Variants in NBPF12 observed in about 807,000 individuals in gnomAD.
NBPF12 encodes NBPF member 12.
In NBPF12, 115 loss-of-function variants were observed where a neutral mutation model predicts 146.4. The observed-to-expected ratio is 0.79, with a 90% CI of 0.68 to 0.92. The LOEUF is 0.92. Ranked by LOEUF, NBPF12 falls within the 40% of genes least tolerant of loss-of-function variation. NBPF12 has a pLI of 0.00. For missense variants in NBPF12, 1,205 were observed against 1,326.8 expected (o/e 0.91, Z 1.43); for synonymous variants, 385 against 508.9 (o/e 0.76, Z 3.28).
upstream of NBPF12, among the ~76,000 whole-genome samples, chr1:146,948,182 T>C (rs1655155066): frequency 6.6e-6 from 1 of 152,004 alleles, no homozygotes; most frequent in East Asian, 1.9e-4. Flanking sequence ...GGCTAATGTT[T>C]GTATTTTTGG....
intron 15 of NBPF12, among the ~76,000 whole-genome samples, chr1:146,975,378 G>A (rs1656922371): frequency 1.4e-5 from 2 of 147,780 alleles, no homozygotes; most frequent in African/African-American, 5.2e-5. Context: ...CATGGCCAGA[G>A]TGAGGAACTG....
chr1:146,954,391 A>C (rs1655465918), intron 2 of NBPF12, among the ~76,000 whole-genome samples: 5 of 68,530 alleles, frequency 7.3e-5, no homozygotes, highest in African/African-American at 4.3e-4. Context: ...CTCTGTCTCA[A>C]AAAAAAAAAA....
intron 3 of NBPF12, 35 bp downstream of exon 6, chr1:146,960,041 G>T: frequency 4.4e-6 from 2 of 457,410 alleles, no homozygotes; most frequent in Non-Finnish European, 3.7e-6. Context: ...ACATCCCTCA[G>T]TCCTGATTAA....
intron 1 of NBPF12, among the ~76,000 whole-genome samples, chr1:146,939,343 T>C (rs1284731952): frequency 2.0e-4 from 30 of 152,020 alleles, no homozygotes; most frequent in Non-Finnish European, 7.4e-5. Flanking sequence ...TTCTGGGAAC[T>C]TGGGCAAGAG....
At chr1:146,984,274 A>C (rs1172788936) in intron 21 of NBPF12, 89 bp downstream of exon 24, 2 of 829,724 alleles carry the variant, frequency 2.4e-6, no homozygotes, top group Non-Finnish European at 2.1e-6. Context: ...GAAAATAATG[A>C]TTTTGTCTTG....
chr1:146,975,495 C>A (rs1448813005), intron 15 of NBPF12, among the ~76,000 whole-genome samples, 182 bp from the exon 19 acceptor site: 1 of 149,096 alleles, frequency 6.7e-6, no homozygotes, highest in African/African-American at 2.5e-5. Context: ...CTCTCTGATA[C>A]AGAGGAAGCC....
At chr1:146,987,122 CCTGTT>C in intron 24 of NBPF12, 107 bp from the exon 28 acceptor site, 1 of 662,496 alleles carries the variant, frequency 1.5e-6, no homozygotes. Flanking sequence ...CTCAAATTGT[CCTGTT>C]CTCATGCTGA....
intron 1 of NBPF12, among the ~76,000 whole-genome samples, chr1:146,941,412 C>G (rs1294447332): frequency 6.6e-6 from 1 of 150,476 alleles, no homozygotes; most frequent in African/African-American, 2.4e-5. Context: ...ATGAAATATA[C>G]TTTATCAATC....
Position 146,963,403 on chromosome 1 carries a change from G to T in NBPF12, c.493+94G>T, listed in dbSNP as rs1222753979. The T allele has an allele frequency of 5.1e-5, 82 of 1,603,310 alleles. 1 individual carries two copies. Among genetic ancestry groups the T allele is most frequent in the Admixed American group, 2.7e-4 (16 of 59,006 alleles). ...TCATGATGACAGTTGTATCAGTGGG[G>T]TTTTTTTCTACTACACATATGTGGC... On this transcript the variant is annotated intron_variant, in intron 6 of 33. Transcript: ENST00000617844.
chr1:146,987,566 G>A (rs1476798436), intron 25 of NBPF12, among the ~76,000 whole-genome samples: 9 of 152,060 alleles, frequency 5.9e-5, no homozygotes, highest in African/African-American at 2.2e-4. Flanking sequence ...AAATTATTGA[G>A]CACAGTCTTT....
At chr1:146,965,619 A>G (rs1656139557) in intron 8 of NBPF12, among the ~76,000 whole-genome samples, 1 of 125,712 alleles carries the variant, frequency 8.0e-6, no homozygotes, top group Non-Finnish European at 1.7e-5. Context: ...CGTCTTTACT[A>G]AAAATACAAA....
chr1:146,946,027 G>T (rs1428775951), upstream of NBPF12, among the ~76,000 whole-genome samples: 2 of 151,810 alleles, frequency 1.3e-5, no homozygotes, highest in African/African-American at 2.4e-5. Context: ...GAATGTCCTA[G>T]AGTTGGAATT....
chr1:146,953,220 G>A (rs1206238931), intron 2 of NBPF12, among the ~76,000 whole-genome samples: 1 of 130,328 alleles, frequency 7.7e-6, no homozygotes, highest in Admixed American at 8.5e-5. Flanking sequence ...ACATGTGGTG[G>A]TTACTAATCA....
In NBPF12 at chr1:146,976,794, A is replaced by G. The variant is rs1358429662; in HGVS notation, c.2120-135A>G. The stretch of plus-strand genomic sequence containing the variant: ...GGAAACCATGCCAGGGCATTCTGTT[A>G]AAGATAAAACATGAGAGTTTTCAGT... On this transcript the variant is annotated intron_variant, in intron 16 of 33. Coordinates refer to ENST00000617844, the Ensembl canonical transcript of NBPF12. 7 of 571,240 alleles carry G rather than the reference A, an allele frequency of 1.2e-5. No homozygotes were observed. In the Admixed American group the frequency reaches 1.8e-4, roughly 15 times the overall value. The allele number at this position is 571,240 out of a possible 1,614,324, so 35.4% of individuals were successfully genotyped here.
chr1:146,946,315 A>G (rs1426899312), upstream of NBPF12, among the ~76,000 whole-genome samples: 3 of 151,094 alleles, frequency 2.0e-5, no homozygotes, highest in South Asian at 2.1e-4. Context: ...TCCACTAGCT[A>G]TGGAGAGTTC....
In NBPF12 at chr1:146,994,727, G is replaced by T. The variant is rs4028596; in HGVS notation, c.*152G>T. Reference sequence around the variant, plus strand: ...TTCCTATTCTCAGAGCATGCCAGTGGCAACCTGTGCTCAGTCTGAAGACAA... The same window carrying T: ...TTCCTATTCTCAGAGCATGCCAGTGTCAACCTGTGCTCAGTCTGAAGACAA... On this transcript the variant is annotated 3_prime_UTR_variant, in exon 34 of 34. Coordinates refer to ENST00000617844, the Ensembl canonical transcript of NBPF12. The T allele has an allele frequency of 6.9e-5, 91 of 1,317,922 alleles. 5 individuals are homozygous for T. In the African/African-American group the frequency reaches 1.3e-3, roughly 19 times the overall value. 81.6% of individuals were successfully genotyped at this position (1,317,922 alleles called of 1,614,324 possible).
rs1342267216 is a variant in NBPF12 at position 146,992,547 on chromosome 1, G to C, written c.3849-165G>C. ...CTTTCTCTTTCATTCTTTTCCATTT[G>C]GCCCTGTTCTGTCCCAACATGAAGG... On this transcript the variant is annotated intron_variant, in intron 31 of 33. Transcript: ENST00000617844. Among the ~76,000 whole-genome samples the C allele has an allele frequency of 4.2e-4, 57 of 136,866 alleles. 2 individuals carry two copies. In the East Asian group the frequency reaches 0.013, roughly 32 times the overall value. 89.8% of individuals were successfully genotyped at this position (136,866 alleles called of 152,430 possible).
chr1:146,981,468 T>C (rs1274567859), intron 19 of NBPF12, among the ~76,000 whole-genome samples: 10 of 151,478 alleles, frequency 6.6e-5, no homozygotes, highest in Non-Finnish European at 1.5e-5. Flanking sequence ...CCGACCTTTC[T>C]CTCTGGCTGC....
At chr1:146,951,237 G>T (rs1317754931) in intron 1 of NBPF12, 111 bp from the exon 5 acceptor site, 12 of 660,704 alleles carry the variant, frequency 1.8e-5, no homozygotes, top group Non-Finnish European at 3.0e-5. Context: ...GCCACACAGG[G>T]CACTCAAGTG....
Sources: allele counts gnomAD v4.1 joint callset (sites outside exome capture counted in the v4.1 genomes callset), GRCh38; gene constraint gnomAD v4.1.1; transcripts MANE v1.5; gene names NCBI Gene and HGNC (gene_info 2026-07-23, HGNC 2026-07-21).